Variants in EDA observed in about 807,000 individuals in gnomAD.
EDA encodes the protein ectodysplasin-A.
A neutral mutation model predicts 23.6 loss-of-function variants in EDA; 2 were observed. The observed-to-expected ratio is 0.08, with a 90% CI of 0.03 to 0.27. EDA has a LOEUF of 0.27. Ranked by LOEUF, EDA falls within the 10% of genes least tolerant of loss-of-function variation. The pLI is 1.00. For synonymous variants in EDA, 131 were observed against 132.0 expected, an observed-to-expected ratio of 0.99 and a Z score of 0.05; for missense variants, 229 against 324.2, an observed-to-expected ratio of 0.71 and a Z score of 2.26.
At chrX:69,778,373 G>A (rs1312228565) in intron 1 of EDA, among the ~76,000 whole-genome samples, 1 of 111,304 alleles carries the variant, frequency 9.0e-6, no homozygotes, top group East Asian at 2.8e-4. Context: ...GGAGGCAAAA[G>A]ATGAGCCAGC....
intron 1 of EDA, among the ~76,000 whole-genome samples, chrX:69,930,462 A>G (rs2018583194): frequency 9.0e-6 from 1 of 110,578 alleles, no homozygotes; most frequent in Non-Finnish European, 1.9e-5. Context: ...ACAAAATCCA[A>G]TACCAATTCA....
At chrX:69,755,275 C>T (rs910660129) in intron 1 of EDA, among the ~76,000 whole-genome samples, 1 of 112,228 alleles carries the variant, frequency 8.9e-6, no homozygotes, top group Non-Finnish European at 1.9e-5. Flanking sequence ...GGTTTTCCTT[C>T]TAACAGTTAT....
chrX:69,693,903 C>A (rs2011250641), intron 1 of EDA, among the ~76,000 whole-genome samples: 1 of 111,921 alleles, frequency 8.9e-6, no homozygotes, highest in African/African-American at 3.2e-5. Flanking sequence ...ATACTCATAT[C>A]CCATTTAAGA....
chrX:69,672,450 A>G (rs996854160), intron 1 of EDA: 14 of 111,516 alleles, frequency 1.3e-4, no homozygotes, highest in Non-Finnish European at 2.1e-4. Context: ...GATTGAGAAG[A>G]TTGGAGAATT....
Position 69,878,715 on chromosome X carries a change from GACACACAC to G in EDA, c.397-78285_397-78278del, listed in dbSNP as rs61027280. ...AAATACAGCCCCTCACCTTCACCAA[GACACACAC>G]ACACACACACACACACACACACACA... is the stretch of plus-strand genomic sequence containing the variant. On this transcript the variant is annotated intron_variant, in intron 1 of 7. Transcript: ENST00000374552. 9.8e-4 allele frequency among the ~76,000 whole-genome samples: 97 copies of G among 99,043 alleles called. 2 individuals carry two copies. Among genetic ancestry groups the G allele is most frequent in the African/African-American group, 3.1e-3 (83 of 27,142 alleles). 86.0% of individuals were successfully genotyped at this position (99,043 alleles called of 115,157 possible).
intron 2 of EDA, among the ~76,000 whole-genome samples, chrX:70,022,132 G>GA (rs1415629620): frequency 1.2e-4 from 13 of 104,981 alleles, no homozygotes; most frequent in South Asian, 4.2e-4. Context: ...TCCTAGAAGG[G>GA]AAAAAAAAAA....
chrX:69,747,338 A>G (rs2013654728), intron 1 of EDA, among the ~76,000 whole-genome samples: 1 of 112,093 alleles, frequency 8.9e-6, no homozygotes, highest in South Asian at 3.7e-4. Flanking sequence ...GCAAATTCGA[A>G]AGCCCTGAAA....
intron 1 of EDA, among the ~76,000 whole-genome samples, chrX:69,761,971 A>G (rs1328340554): frequency 9.0e-6 from 1 of 111,514 alleles, no homozygotes; most frequent in Non-Finnish European, 1.9e-5. Context: ...TTTTACGGGT[A>G]AAGAACATAA....
chrX:69,637,774 A>G (rs778253542), intron 1 of EDA, among the ~76,000 whole-genome samples: 66 of 111,504 alleles, frequency 5.9e-4, no homozygotes, highest in African/African-American at 2.0e-3. Flanking sequence ...TGCTTGGCAT[A>G]TAGTAAGTCC....
At chrX:69,694,424 A>T (rs747581412) in intron 1 of EDA, among the ~76,000 whole-genome samples, 116 of 112,275 alleles carry the variant, frequency 1.0e-3, no homozygotes, top group African/African-American at 3.7e-3. Flanking sequence ...CGTTTGGGTT[A>T]GCAGTTTTAT....
chrX:69,916,701 G>A (rs185793500), intron 1 of EDA, among the ~76,000 whole-genome samples: 4 of 110,290 alleles, frequency 3.6e-5, no homozygotes, highest in Admixed American at 9.7e-5. Context: ...CACCACACCC[G>A]GCCTAATCTC....
At position 69,616,195 on chromosome X, in the gene EDA, G is replaced by C; in HGVS notation, c.-114G>C. The C allele has an allele frequency of 1.1e-6, 1 of 932,836 alleles. No individual in the cohort carries two copies. Among genetic ancestry groups the C allele is most frequent in the South Asian group, 2.3e-5 (1 of 43,109 alleles). The allele number at this position is 932,836 out of a possible 1,213,427, so 76.9% of individuals were successfully genotyped here. A position where few individuals can be genotyped will look rare whatever the true frequency, so the allele number is the denominator to read the frequency against. On this transcript the variant is annotated 5_prime_UTR_variant, in exon 1 of 8. Transcript: ENST00000374552. The stretch of plus-strand genomic sequence containing the variant: ...CCCAGCCACTGTCGCGCAGGAACGG[G>C]TCCCTGCAGCCCCCAGCCGATGGCA...
At chrX:69,904,627 G>A (rs1392465750) in intron 1 of EDA, among the ~76,000 whole-genome samples, 1 of 112,318 alleles carries the variant, frequency 8.9e-6, no homozygotes, top group Admixed American at 9.4e-5. Flanking sequence ...TGGGATTACA[G>A]GCATGAGCCA....
At chrX:69,987,418 G>C (rs1331744268) in intron 2 of EDA, among the ~76,000 whole-genome samples, 1 of 109,130 alleles carries the variant, frequency 9.2e-6, no homozygotes, top group Non-Finnish European at 1.9e-5. Flanking sequence ...AAAATACCCT[G>C]GGTATAACAC....
In EDA at chrX:69,856,976, T is replaced by C. The variant is rs1202889676; in HGVS notation, c.397-100051T>C. On this transcript the variant is annotated intron_variant, in intron 1 of 7. Coordinates refer to ENST00000374552, the MANE Select transcript of EDA (RefSeq NM_001399.5). Reference sequence around the variant, plus strand: ...ATGTCTAGAAGGGCTTTTCTGATGTTATCTTCTAGAATTTTTATAGTTTCA... The same window carrying C: ...ATGTCTAGAAGGGCTTTTCTGATGTCATCTTCTAGAATTTTTATAGTTTCA... 5.3e-5 allele frequency among the ~76,000 whole-genome samples: 6 copies of C among 112,196 alleles called. No homozygotes were observed. The Admixed American group carries it at 5.7e-4, about 11-fold the overall frequency.
intron 1 of EDA, among the ~76,000 whole-genome samples, chrX:69,917,882 T>C (rs2018368530): frequency 9.0e-6 from 1 of 111,422 alleles, no homozygotes; most frequent in Non-Finnish European, 1.9e-5. Context: ...TCTCTTTTTA[T>C]ATATATCTTA....
At chrX:69,736,609 G>A (rs961679608) in intron 1 of EDA, among the ~76,000 whole-genome samples, 1 of 107,548 alleles carries the variant, frequency 9.3e-6, no homozygotes, top group Non-Finnish European at 1.9e-5. Context: ...GATTACAGGC[G>A]TGAGCCACTG....
intron 1 of EDA, among the ~76,000 whole-genome samples, chrX:69,740,817 C>T (rs1430880794): frequency 9.1e-6 from 1 of 109,771 alleles, no homozygotes; most frequent in Non-Finnish European, 1.9e-5. Context: ...CTCTGAGGCT[C>T]TTTTAATTAT....
intron 1 of EDA, among the ~76,000 whole-genome samples, chrX:69,660,099 A>G (rs953024834): frequency 1.8e-5 from 2 of 111,576 alleles, no homozygotes; most frequent in African/African-American, 6.5e-5. Flanking sequence ...TCTTTCATTG[A>G]AAAACATTTT....
Sources: allele counts gnomAD v4.1 joint callset (sites outside exome capture counted in the v4.1 genomes callset), GRCh38; gene constraint gnomAD v4.1.1; transcripts MANE v1.5; gene names NCBI Gene and HGNC (gene_info 2026-07-23, HGNC 2026-07-21).